COL11A1: variants seen among roughly 807,000 people sequenced by gnomAD.
COL11A1 encodes collagen type XI alpha 1 chain.
In COL11A1, 74 loss-of-function variants were observed where a neutral mutation model predicts 265.2. The ratio of observed to expected loss-of-function variants is 0.28; its 90% confidence interval spans 0.23 to 0.34. The LOEUF is 0.34. COL11A1 is among the 10% of genes least tolerant of loss of function. COL11A1 has a pLI of 1.00. For synonymous variants in COL11A1, 816 were observed against 727.6 expected, an observed-to-expected ratio of 1.12 and a Z score of -1.96; for missense variants, 2,165 against 2,263.6, an observed-to-expected ratio of 0.96 and a Z score of 0.88.
chr1:102,946,730 A>C, intron 42 of COL11A1, 119 bp downstream of exon 42: 1 of 806,176 alleles, frequency 1.2e-6, no homozygotes, highest in Non-Finnish European at 2.1e-6. Flanking sequence ...GGGTATTTAC[A>C]TGCCAGACAC....
intron 41 of COL11A1, among the ~76,000 whole-genome samples, chr1:102,959,271 T>C (rs1660658966): frequency 6.6e-6 from 1 of 152,234 alleles, no homozygotes. Context: ...GATTTAGTTT[T>C]TTATTATGTA....
intron 64 of COL11A1, among the ~76,000 whole-genome samples, chr1:102,882,578 T>A (rs886794943): frequency 2.0e-5 from 3 of 152,158 alleles, no homozygotes; most frequent in Admixed American, 1.3e-4. Context: ...CCACACCATT[T>A]ACTAGGAAGA....
intron 9 of COL11A1, among the ~76,000 whole-genome samples, chr1:103,021,184 AT>A (rs1667031562): frequency 6.6e-6 from 1 of 151,320 alleles, no homozygotes; most frequent in Non-Finnish European, 1.5e-5. Context: ...TAGTAATAAT[AT>A]TGATATAAAT....
intron 31 of COL11A1, among the ~76,000 whole-genome samples, chr1:102,983,224 T>A (rs1383177772): frequency 1.4e-5 from 2 of 143,404 alleles, no homozygotes. Context: ...AAAACCATAT[T>A]TTTTATGCTT....
At chr1:103,011,741 T>G (rs1226755644) in intron 14 of COL11A1, among the ~76,000 whole-genome samples, 1 of 152,060 alleles carries the variant, frequency 6.6e-6, no homozygotes, top group African/African-American at 2.4e-5. Context: ...TATAAATTAT[T>G]TATCCATCTA....
At chr1:102,914,595 CAG>C in intron 51 of COL11A1, 107 bp downstream of exon 51, 1 of 988,834 alleles carries the variant, frequency 1.0e-6, no homozygotes, top group Non-Finnish European at 1.6e-6. Context: ...GATGAAAAGT[CAG>C]ATTTACCATC....
chr1:103,050,048 C>A lies in COL11A1; in HGVS notation c.652-18804G>T, dbSNP rs546741442. On this transcript the variant is annotated intron_variant, in intron 4 of 66. Transcript: ENST00000370096. ...GCCCTTAACATTTTTTCCTTCATTT[C>A]AACTTTGGTGAATCTGACAATTATG... 1.2e-4 allele frequency among the ~76,000 whole-genome samples: 18 copies of A among 152,248 alleles called. 1 individual carries two copies. The South Asian group carries it at 3.7e-3, about 32-fold the overall frequency.
intron 14 of COL11A1, among the ~76,000 whole-genome samples, chr1:103,010,117 C>T (rs553972383): frequency 6.6e-6 from 1 of 152,224 alleles, no homozygotes; most frequent in African/African-American, 2.4e-5. Flanking sequence ...TTCTACACTT[C>T]CTGAATGTTT....
chr1:103,020,128 G>A (rs1284587539), intron 9 of COL11A1, among the ~76,000 whole-genome samples: 1 of 151,844 alleles, frequency 6.6e-6, no homozygotes, highest in East Asian at 1.9e-4. Flanking sequence ...TGGGTCAAAT[G>A]GTATTTCTAG....
chr1:103,080,338 A>G (rs1033954146), intron 2 of COL11A1, among the ~76,000 whole-genome samples: 1 of 151,954 alleles, frequency 6.6e-6, no homozygotes, highest in African/African-American at 2.4e-5. Flanking sequence ...CATTTAACTA[A>G]AAAGTATTTA....
At position 102,879,911 on chromosome 1, in the gene COL11A1, T is replaced by C. The variant is rs762468996; in HGVS notation, c.5046A>G (p.Ser1682=). 2.5e-5 allele frequency: 40 copies of C among 1,603,964 alleles called. No homozygotes were observed. The highest frequency in any genetic ancestry group is 3.3e-5 in the South Asian group (3 of 90,888). ...FSEFKRGKLL[S]YLDVEGNSIN... ...TGGAATTTCCTTCAACATCTAAGTA[T>C]GAAAGCTAGGAATAAAGGAATAAAA... The change falls in exon 66 of 67, where the codon TCA becomes TCG. Residue 1682 remains serine, a synonymous_variant. Transcript: ENST00000370096.
At chr1:102,912,332 T>C in intron 53 of COL11A1, 120 bp from the exon 54 acceptor site, 1 of 764,920 alleles carries the variant, frequency 1.3e-6, no homozygotes, top group Admixed American at 2.8e-5. Context: ...CAATATTTCC[T>C]GGAAAATCTC....
At chr1:102,958,746 G>A (rs1246112374) in intron 41 of COL11A1, among the ~76,000 whole-genome samples, 1 of 152,180 alleles carries the variant, frequency 6.6e-6, no homozygotes, top group African/African-American at 2.4e-5. Context: ...AACACAGTGA[G>A]CATCTATCAA....
At chr1:103,081,435 A>T (rs61027833) in intron 2 of COL11A1, among the ~76,000 whole-genome samples, 2,219 of 151,926 alleles carry the variant, frequency 0.015, 44 homozygotes, top group African/African-American at 0.051. Flanking sequence ...ATTTTTTTAA[A>T]TCTATTTTTA....
At chr1:102,976,289 C>CTTTTTTTTTTTTGTTTTTTT (rs1662465972) in intron 35 of COL11A1, among the ~76,000 whole-genome samples, 1 of 58,578 alleles carries the variant, frequency 1.7e-5, no homozygotes, top group Non-Finnish European at 3.2e-5. Flanking sequence ...AAAACGTTGG[C>CTTTTTTTTTTTTGTTTTTTT]TTTTTTTTTT....
chr1:102,987,614 T>A lies in COL11A1; in HGVS notation c.2502+19A>T, dbSNP rs1345740154. 6.3e-7 allele frequency: 1 copy of A among 1,585,688 alleles called. No individual in the cohort carries two copies. The highest frequency in any genetic ancestry group is 8.7e-7 in the Non-Finnish European group (1 of 1,154,242). On this transcript the variant is annotated intron_variant, in intron 30 of 66. Transcript: ENST00000370096. The stretch of plus-strand genomic sequence containing the variant: ...CATCAGCTGCAAGAGTACCAGTGAA[T>A]TTAAAGTCATTTACCAACCTTTTCT...
chr1:103,013,320 T>G (rs1428545122), intron 13 of COL11A1, among the ~76,000 whole-genome samples: 1 of 151,984 alleles, frequency 6.6e-6, no homozygotes, highest in Non-Finnish European at 1.5e-5. Context: ...ATCCTTGAGA[T>G]TAAATATCTG....
intron 1 of COL11A1, among the ~76,000 whole-genome samples, chr1:103,090,079 A>G (rs571213116): frequency 5.9e-5 from 9 of 151,712 alleles, no homozygotes; most frequent in Non-Finnish European, 1.0e-4. Context: ...AGCCGAGATC[A>G]CACCACTGCA....
rs78447722 is a variant in COL11A1 at position 102,953,336 on chromosome 1, G to A, written c.3169-6380C>T. 7.6e-4 allele frequency among the ~76,000 whole-genome samples: 115 copies of A among 152,124 alleles called. 3 individuals are homozygous for A. The East Asian group carries it at 0.022, about 29-fold the overall frequency. On this transcript the variant is annotated intron_variant, in intron 41 of 66. Transcript: ENST00000370096. ...TGCCATAAATAAGTGTGTCAATTAA[G>A]TGTATGATCTTTCCCTCTCTAGCAC...
Sources: allele counts gnomAD v4.1 joint callset (sites outside exome capture counted in the v4.1 genomes callset), GRCh38; gene constraint gnomAD v4.1.1; transcripts MANE v1.5; gene names NCBI Gene and HGNC (gene_info 2026-07-23, HGNC 2026-07-21).